The following RNF170 variants were observed in gnomAD, a reference collection of about 807,000 sequenced individuals.
RNF170 encodes the protein E3 ubiquitin-protein ligase RNF170.
RNF170 carries 12 observed loss-of-function variants against 32.7 expected under a neutral mutation model. The ratio of observed to expected loss-of-function variants is 0.37; its 90% confidence interval spans 0.24 to 0.60. The LOEUF is 0.60. Ranked by LOEUF, RNF170 falls within the 20% of genes least tolerant of loss-of-function variation. The probability of loss-of-function intolerance (pLI) is 0.72; values close to 1 mark genes in which losing one functional copy is unlikely to be tolerated. For synonymous variants in RNF170, 91 were observed against 103.6 expected (o/e 0.88, Z 0.74); for missense variants, 212 against 311.2 (o/e 0.68, Z 2.40).
downstream of RNF170, chr8:42,850,699 G>GCC (rs1216333421): frequency 1.4e-5 from 21 of 1,457,748 alleles, no homozygotes; most frequent in Middle Eastern, 1.7e-4. Flanking sequence ...GCCTCAGAGT[G>GCC]CCCTGGGGTA....
Position 42,873,042 on chromosome 8 carries a change from G to A in RNF170, c.213+889C>T, listed in dbSNP as rs553294597. On this transcript the variant is annotated intron_variant, in intron 3 of 6. Transcript: ENST00000527424. ...CCTGAGTAGCTGGGACTATAGCTGT[G>A]CACCACCATACCCAGCTAGCTTTTG... is the stretch of plus-strand genomic sequence containing the variant. Among the ~76,000 whole-genome samples the A allele has an allele frequency of 3.6e-4, 55 of 152,190 alleles. 1 individual carries two copies. In the South Asian group the frequency reaches 0.011, roughly 30 times the overall value.
chr8:42,855,911 A>G lies in RNF170; in HGVS notation c.*248T>C, dbSNP rs765873655. On this transcript the variant is annotated 3_prime_UTR_variant, in exon 7 of 7. Transcript: ENST00000527424. ...TTTTATATAATTCCATATTTTTTCC[A>G]GACAACATAGAATCAAGATACAACT... 1 of 1,269,458 alleles carries G rather than the reference A, an allele frequency of 7.9e-7. No homozygotes were observed. Among genetic ancestry groups the G allele is most frequent in the Non-Finnish European group, 1.0e-6 (1 of 967,978 alleles). The allele number at this position is 1,269,458 out of a possible 1,614,324, so 78.6% of individuals were successfully genotyped here.
chr8:42,852,323 T>C (rs900450173), downstream of RNF170, among the ~76,000 whole-genome samples: 3 of 152,228 alleles, frequency 2.0e-5, no homozygotes, highest in Non-Finnish European at 4.4e-5. Flanking sequence ...ATATATACTT[T>C]TATTACCTGT....
rs1806442427 is a variant in RNF170, at chr8:42,893,025, A to G, written c.-8+3459T>C. 4.6e-5 allele frequency among the ~76,000 whole-genome samples: 7 copies of G among 152,278 alleles called. No individual in the cohort carries two copies. The South Asian group carries it at 1.5e-3, about 32-fold the overall frequency. On this transcript the variant is annotated intron_variant, in intron 1 of 6. Coordinates refer to ENST00000527424, the MANE Select transcript of RNF170 (RefSeq NM_030954.4). Reference sequence around the variant, plus strand: ...GATTTGATCATTACACATTGTACATATTTGTATAAAAATACCACAGGTACC... The same window carrying G: ...GATTTGATCATTACACATTGTACATGTTTGTATAAAAATACCACAGGTACC...
chr8:42,856,080 T>C lies in RNF170; in HGVS notation c.*79A>G, dbSNP rs1179355832. On this transcript the variant is annotated 3_prime_UTR_variant, in exon 7 of 7. Transcript: ENST00000527424. ...AGATAATACTCCATTGCTTCATTGCTTTATACTGCCATGGGTCCTTCTGTT... is the reference window on the plus strand; with the variant it reads ...AGATAATACTCCATTGCTTCATTGCCTTATACTGCCATGGGTCCTTCTGTT... 1.9e-6 allele frequency: 3 copies of C among 1,603,086 alleles called. No homozygotes were observed. The highest frequency in any genetic ancestry group is 1.3e-5 in the African/African-American group (1 of 74,876).
Position 42,853,454 on chromosome 8 carries a change from G to C in RNF170, c.*2705C>G. ...GATCCACATAGTCCTTTCTTCCCTT[G>C]TACCTCTCAAACACTGAGAATTGTA... On this transcript the variant is annotated 3_prime_UTR_variant, in exon 7 of 7. Coordinates refer to ENST00000527424, the MANE Select transcript of RNF170 (RefSeq NM_030954.4). 2 of 1,287,116 alleles carry C rather than the reference G, an allele frequency of 1.6e-6. No homozygotes were observed. Among genetic ancestry groups the C allele is most frequent in the Non-Finnish European group, 2.0e-6 (2 of 988,656 alleles). 79.7% of individuals were successfully genotyped at this position (1,287,116 alleles called of 1,614,324 possible). A position where few individuals can be genotyped will look rare whatever the true frequency, so the allele number is the denominator to read the frequency against.
intron 6 of RNF170, 28 bp from the exon 7 acceptor site, chr8:42,856,456 A>G (rs117167325): frequency 0.018 from 26,818 of 1,480,102 alleles, 309 homozygotes; most frequent in Non-Finnish European, 0.021. Flanking sequence ...AAGTATTATG[A>G]TTCAGCACCT....
intron 2 of RNF170, among the ~76,000 whole-genome samples, chr8:42,879,312 A>T (rs555009413): frequency 2.0e-4 from 31 of 152,302 alleles, no homozygotes; most frequent in African/African-American, 7.0e-4. Context: ...TGGGGAATCA[A>T]TTGAAACCTT....
At chr8:42,884,992 G>A (rs930198409) in intron 2 of RNF170, among the ~76,000 whole-genome samples, 3 of 150,516 alleles carry the variant, frequency 2.0e-5, no homozygotes, top group Non-Finnish European at 4.4e-5. Flanking sequence ...GCGAGCCACC[G>A]CGCCCTGCCT....
chr8:42,870,213 C>A, intron 3 of RNF170, 101 bp from the exon 4 acceptor site: 1 of 808,674 alleles, frequency 1.2e-6, no homozygotes. Flanking sequence ...CAGTGTGTAA[C>A]CCTCATCAAA....
Position 42,854,893 on chromosome 8 carries a change from C to T in RNF170, c.*1266G>A. The T allele has an allele frequency of 1.6e-6, 2 of 1,287,212 alleles. No individual in the cohort carries two copies. Among genetic ancestry groups the T allele is most frequent in the Non-Finnish European group, 2.0e-6 (2 of 988,686 alleles). 79.7% of individuals were successfully genotyped at this position (1,287,212 alleles called of 1,614,324 possible). ...GTTTGGCTCAAGACATGAATCTGAG[C>T]TGTGTGCTGCCATCCTGAGACAGTA... On this transcript the variant is annotated 3_prime_UTR_variant, in exon 7 of 7. Coordinates refer to ENST00000527424, the MANE Select transcript of RNF170 (RefSeq NM_030954.4).
intron 5 of RNF170, among the ~76,000 whole-genome samples, chr8:42,864,733 A>G (rs1328996654): frequency 1.3e-5 from 2 of 152,074 alleles, no homozygotes; most frequent in Non-Finnish European, 2.9e-5. Context: ...ATCATTATAT[A>G]CCATTTAAAG....
chr8:42,870,074 G>T lies in RNF170; in HGVS notation c.252C>A (p.Asp84Glu), dbSNP rs937552717. ...GGTGCAGGCAGATGGGACAGTACAT[G>T]TCAGTGTAGAACTGCTGTCGAGTGG... Reference protein sequence around the residue: ...PAATRQQFYTDMYCPICLHQA... With the variant: ...PAATRQQFYTEMYCPICLHQA... Residue 84 changes from aspartate to glutamate, a missense_variant, in exon 4 of 7, where the codon GAC (aspartate) becomes GAA (glutamate). Physicochemically the swap from Asp to Glu is conservative, Grantham distance 45 (BLOSUM62 2). Around this residue, in one of 2 missense-constraint regions of RNF170, gnomAD observed 115 missense variants for 132.3 expected, o/e 0.87. Coordinates refer to ENST00000527424, the MANE Select transcript of RNF170 (RefSeq NM_030954.4). 6.2e-7 allele frequency: 1 copy of T among 1,614,032 alleles called. No individual in the cohort carries two copies. The highest frequency in any genetic ancestry group is 1.3e-5 in the African/African-American group (1 of 74,924).
chr8:42,876,000 G>A (rs1213745434), intron 2 of RNF170, among the ~76,000 whole-genome samples: 1 of 152,074 alleles, frequency 6.6e-6, no homozygotes, highest in Non-Finnish European at 1.5e-5. Context: ...AATCTAACTA[G>A]CAGAGGAACC....
chr8:42,864,032 A>C (rs1437749197), intron 5 of RNF170, among the ~76,000 whole-genome samples: 1 of 145,492 alleles, frequency 6.9e-6, no homozygotes, highest in African/African-American at 2.6e-5. Context: ...ACCCACGGGT[A>C]AGTGGAGGAA....
intron 3 of RNF170, among the ~76,000 whole-genome samples, chr8:42,871,316 A>C (rs1804509754): frequency 6.6e-6 from 1 of 152,210 alleles, no homozygotes. Flanking sequence ...CTAGCATGAA[A>C]AATATCTAAT....
intron 4 of RNF170, among the ~76,000 whole-genome samples, chr8:42,865,882 G>A (rs796449686): frequency 2.0e-5 from 3 of 152,260 alleles, no homozygotes; most frequent in African/African-American, 7.2e-5. Flanking sequence ...CTACTTGGGA[G>A]GCTGAGGCAG....
intron 4 of RNF170, among the ~76,000 whole-genome samples, chr8:42,869,489 G>T: frequency 6.6e-6 from 1 of 152,172 alleles, no homozygotes; most frequent in East Asian, 1.9e-4. Flanking sequence ...AACCTCAAGA[G>T]GTTGAGAGAG....
chr8:42,883,027 C>A (rs1336675832), intron 2 of RNF170, among the ~76,000 whole-genome samples: 2 of 151,840 alleles, frequency 1.3e-5, no homozygotes, highest in African/African-American at 4.8e-5. Context: ...GGTGCCACTG[C>A]ACTCCAGCCT....
Sources: gnomAD v4.1 joint callset for allele counts (sites outside exome capture counted in the v4.1 genomes callset) on GRCh38, gnomAD v4.1.1 for gene constraint, gnomAD v4.1.1 regional missense constraint, MANE v1.5 for transcripts, NCBI Gene and HGNC (gene_info 2026-07-23, HGNC 2026-07-21) for gene names.